The following NINL variants were observed in gnomAD, a reference collection of about 807,000 sequenced individuals.
NINL encodes ninein-like protein.
A neutral mutation model predicts 160.3 loss-of-function variants in NINL; 153 were observed. The observed-to-expected ratio is 0.95, with a 90% confidence interval of 0.84 to 1.09. NINL has a LOEUF of 1.09. Ranked by LOEUF, NINL falls within the 50% of genes least tolerant of loss-of-function variation. NINL has a pLI of 0.00. For missense variants in NINL, 1,829 were observed against 1,764.0 expected (o/e 1.04, Z -0.66); for synonymous variants, 800 against 734.8 (o/e 1.09, Z -1.43).
chr20:25,494,078 G>C (rs1467430363), intron 10 of NINL, among the ~76,000 whole-genome samples: 1 of 150,920 alleles, frequency 6.6e-6, no homozygotes, highest in Non-Finnish European at 1.5e-5. Flanking sequence ...CATGTACACA[G>C]CACCCCCCAC....
rs141651974 is a variant in NINL, at chr20:25,525,560, G to A, written c.180+848C>T. On this transcript the variant is annotated intron_variant, in intron 2 of 23. Coordinates refer to ENST00000278886, the MANE Select transcript of NINL (RefSeq NM_025176.6). ...TCCCAGCTACTTGGGGGACTGAGGC[G>A]GGAGGATTGCTTGAGTCTGGGAGTT... Among the ~76,000 whole-genome samples, 318 of 152,260 alleles carry A rather than the reference G, an allele frequency of 2.1e-3. 1 individual carries two copies. The highest frequency in any genetic ancestry group is 7.2e-3 in the African/African-American group (300 of 41,554).
chr20:25,505,106 A>T, intron 5 of NINL, 28 bp from the exon 6 acceptor site: 1 of 1,528,046 alleles, frequency 6.5e-7, no homozygotes, highest in South Asian at 1.3e-5. Context: ...TCACAGTTAC[A>T]CCCTGATACA....
rs552871963 is a variant in NINL at position 25,552,727 on chromosome 20, A to G, written c.-11-26129T>C. On this transcript the variant is annotated intron_variant, in intron 1 of 23. Transcript: ENST00000278886. ...CCTGGAAAGAACCACATCCCAGGCT[A>G]TGTCCAGGAGAGAAAAATAGAGGTG... 3.9e-5 allele frequency among the ~76,000 whole-genome samples: 6 copies of G among 152,380 alleles called. No individual in the cohort carries two copies. In the South Asian group the frequency reaches 1.2e-3, roughly 32 times the overall value.
At chr20:25,583,019 C>A (rs2147216467) in intron 1 of NINL, among the ~76,000 whole-genome samples, 1 of 152,156 alleles carries the variant, frequency 6.6e-6, no homozygotes, top group African/African-American at 2.4e-5. Flanking sequence ...AACCCAAAAC[C>A]ATAAAAAACC....
intron 3 of NINL, 79 bp downstream of exon 3, chr20:25,517,674 G>A: frequency 1.8e-6 from 2 of 1,109,468 alleles, no homozygotes; most frequent in African/African-American, 1.6e-5. Flanking sequence ...CAGAACTGCT[G>A]GATTCTTTCA....
intron 8 of NINL, among the ~76,000 whole-genome samples, chr20:25,498,701 A>G (rs1386675937): frequency 6.6e-6 from 1 of 152,192 alleles, no homozygotes; most frequent in East Asian, 1.9e-4. Context: ...TTTCCCTCTG[A>G]AATAATCTAT....
chr20:25,472,324 G>GAGATATATATATAT (rs1491225365), intron 17 of NINL, among the ~76,000 whole-genome samples: 4 of 83,956 alleles, frequency 4.8e-5, no homozygotes, highest in South Asian at 8.9e-4. Context: ...GGGAGGAGAG[G>GAGATATATATATAT]ATATATATAT....
intron 1 of NINL, among the ~76,000 whole-genome samples, chr20:25,559,766 A>ATT (rs540169538): frequency 1.4e-5 from 2 of 146,612 alleles, no homozygotes; most frequent in Admixed American, 6.8e-5. Context: ...ACACCCGACT[A>ATT]TTTTTTTTTT....
intron 1 of NINL, among the ~76,000 whole-genome samples, chr20:25,531,247 G>C (rs1221530421): frequency 1.3e-5 from 2 of 152,168 alleles, no homozygotes; most frequent in African/African-American, 2.4e-5. Flanking sequence ...CTGTTATCCT[G>C]TTCTTTTTTC....
chr20:25,572,017 A>G (rs993139482), intron 1 of NINL, among the ~76,000 whole-genome samples: 3 of 152,156 alleles, frequency 2.0e-5, no homozygotes, highest in Non-Finnish European at 4.4e-5. Flanking sequence ...ACCTGTCTAT[A>G]AAAACACTAA....
chr20:25,573,829 G>A (rs2065083331), intron 1 of NINL, among the ~76,000 whole-genome samples: 1 of 152,220 alleles, frequency 6.6e-6, no homozygotes, highest in Non-Finnish European at 1.5e-5. Flanking sequence ...TTCAAGGTCT[G>A]AGGAGACCTG....
intron 22 of NINL, among the ~76,000 whole-genome samples, chr20:25,457,650 T>C (rs2090722771): frequency 6.6e-6 from 1 of 152,248 alleles, no homozygotes; most frequent in South Asian, 2.1e-4. Flanking sequence ...GCCAATTCCT[T>C]TCTCATGAGG....
chr20:25,476,164 C>A lies in NINL; in HGVS notation c.3127G>T (p.Glu1043Ter). The change falls in exon 17 of 24, where the codon GAA becomes TAA. Residue 1043 changes from glutamate (E) to a stop codon, truncating the protein, a stop_gained. Coordinates refer to ENST00000278886, the MANE Select transcript of NINL (RefSeq NM_025176.6). LOFTEE classifies it high-confidence loss of function. ...GSWQEQLAAP[E>*]EGETKIALER... ...AGCGCTATTTTGGTCTCCCCCTCTT[C>A]TGGGGCAGCAAGCTGCTCCTGCCAG... 6.2e-7 allele frequency: 1 copy of A among 1,614,226 alleles called. No individual in the cohort carries two copies. Among genetic ancestry groups the A allele is most frequent in the Non-Finnish European group, 8.5e-7 (1 of 1,180,046 alleles).
At chr20:25,460,984 G>A (rs1600992432) in intron 21 of NINL, among the ~76,000 whole-genome samples, 1 of 152,132 alleles carries the variant, frequency 6.6e-6, no homozygotes, top group African/African-American at 2.4e-5. Flanking sequence ...CCCCTGAGCC[G>A]GCTCCCCTCC....
intron 1 of NINL, among the ~76,000 whole-genome samples, chr20:25,548,102 T>C (rs900814638): frequency 6.6e-6 from 1 of 152,176 alleles, no homozygotes; most frequent in African/African-American, 2.4e-5. Flanking sequence ...TCCTGCCCTG[T>C]CCCTCCTTGC....
intron 1 of NINL, among the ~76,000 whole-genome samples, chr20:25,564,416 C>T (rs2064977773): frequency 6.6e-6 from 1 of 152,194 alleles, no homozygotes; most frequent in Non-Finnish European, 1.5e-5. Flanking sequence ...CTCTTGGGTT[C>T]AACCCATTCT....
At chr20:25,577,562 T>A (rs901514448) in intron 1 of NINL, among the ~76,000 whole-genome samples, 4 of 152,194 alleles carry the variant, frequency 2.6e-5, no homozygotes, top group Admixed American at 1.3e-4. Context: ...TTAATAGCTG[T>A]TTACTACATT....
At chr20:25,538,268 G>A (rs1424845051) in intron 1 of NINL, among the ~76,000 whole-genome samples, 1 of 152,186 alleles carries the variant, frequency 6.6e-6, no homozygotes, top group African/African-American at 2.4e-5. Flanking sequence ...TGAAAGCAGG[G>A]GCTGAGAGGG....
Position 25,561,291 on chromosome 20 carries a change from G to A in NINL, c.-12+24164C>T, listed in dbSNP as rs554588729. Reference sequence around the variant, plus strand: ...TAAGCGCGAGTGATCCGCCAGCCTCGGCCTCCCGAGGTGCCGGGATTGCAG... The same window carrying A: ...TAAGCGCGAGTGATCCGCCAGCCTCAGCCTCCCGAGGTGCCGGGATTGCAG... On this transcript the variant is annotated intron_variant, in intron 1 of 23. Coordinates refer to ENST00000278886, the MANE Select transcript of NINL (RefSeq NM_025176.6). Among the ~76,000 whole-genome samples the A allele has an allele frequency of 6.5e-3, 992 of 152,210 alleles. 16 individuals are homozygous for A. Among genetic ancestry groups the A allele is most frequent in the African/African-American group, 0.023 (948 of 41,508 alleles).
Sources: gnomAD v4.1 joint callset for allele counts (sites outside exome capture counted in the v4.1 genomes callset) on GRCh38, gnomAD v4.1.1 for gene constraint, MANE v1.5 for transcripts, NCBI Gene and HGNC (gene_info 2026-07-23, HGNC 2026-07-21) for gene names.